Variants in ZNF429 observed in about 807,000 individuals in gnomAD.
ZNF429 encodes the protein zinc finger protein 429.
In ZNF429, 53 loss-of-function variants were observed where a neutral mutation model predicts 56.8. The observed-to-expected ratio is 0.93, with a 90% confidence interval of 0.75 to 1.17. The LOEUF is 1.17. ZNF429 is among the 50% of genes most tolerant of loss of function. ZNF429 has a pLI of 0.00. For synonymous variants in ZNF429, 278 were observed against 264.7 expected (o/e 1.05, Z -0.49); for missense variants, 849 against 788.4 (o/e 1.08, Z -0.92).
Position 21,540,519 on chromosome 19 carries a change from T to C in ZNF429, c.*2441T>C, listed in dbSNP as rs1051288881. On this transcript the variant is annotated 3_prime_UTR_variant, in exon 4 of 4. Coordinates refer to ENST00000358491, the MANE Select transcript of ZNF429 (RefSeq NM_001001415.4). ...ACATCAGGGTAAATTATGTAGCCATTACTTGTAACATTTATCTTTTACAAA... is the reference window on the plus strand; with the variant it reads ...ACATCAGGGTAAATTATGTAGCCATCACTTGTAACATTTATCTTTTACAAA... Among the ~76,000 whole-genome samples the C allele has an allele frequency of 1.3e-5, 2 of 152,150 alleles. No individual in the cohort carries two copies. Among genetic ancestry groups the C allele is most frequent in the Non-Finnish European group, 2.9e-5 (2 of 67,982 alleles).
At chr19:21,519,210 A>T (rs570888789) in intron 1 of ZNF429, among the ~76,000 whole-genome samples, 1 of 152,354 alleles carries the variant, frequency 6.6e-6, no homozygotes, top group African/African-American at 2.4e-5. Flanking sequence ...CACAGCCCAC[A>T]TCCAGGAAAA....
At chr19:21,513,002 C>T (rs908125402) in intron 1 of ZNF429, among the ~76,000 whole-genome samples, 1 of 151,804 alleles carries the variant, frequency 6.6e-6, no homozygotes, top group Non-Finnish European at 1.5e-5. Flanking sequence ...CTCCCAGTAG[C>T]TGGGACTACA....
chr19:21,531,130 C>CAA, intron 3 of ZNF429, among the ~76,000 whole-genome samples: 70 of 113,134 alleles, frequency 6.2e-4, no homozygotes, highest in African/African-American at 2.1e-3. Context: ...AAAAAAAAAA[C>CAA]CAAAAAAAAA....
chr19:21,506,737 CA>C (rs958623093), intron 1 of ZNF429, among the ~76,000 whole-genome samples: 22 of 83,690 alleles, frequency 2.6e-4, no homozygotes, highest in Admixed American at 4.9e-4. Context: ...TAGTAATTTA[CA>C]AAAAAAAAAG....
intron 3 of ZNF429, among the ~76,000 whole-genome samples, chr19:21,535,422 T>TTTCC: frequency 0.018 from 91 of 4,992 alleles, 7 homozygotes; most frequent in Non-Finnish European, 0.023. Flanking sequence ...TTTTCTTTCT[T>TTTCC]TCTTTCTTTC....
chr19:21,519,777 C>T (rs145449904), intron 1 of ZNF429, among the ~76,000 whole-genome samples: 6 of 152,146 alleles, frequency 3.9e-5, no homozygotes, highest in African/African-American at 7.2e-5. Flanking sequence ...TAAGTGTCTG[C>T]GGAGTGTTGT....
At chr19:21,531,570 A>C in intron 3 of ZNF429, among the ~76,000 whole-genome samples, 1 of 152,048 alleles carries the variant, frequency 6.6e-6, no homozygotes, top group South Asian at 2.1e-4. Context: ...TCAGGAGGCC[A>C]AGGCAGCTGG....
intron 1 of ZNF429, among the ~76,000 whole-genome samples, chr19:21,513,216 G>T (rs2032584460): frequency 6.6e-6 from 1 of 152,068 alleles, no homozygotes; most frequent in African/African-American, 2.4e-5. Flanking sequence ...ACTGTTTCTG[G>T]CACACAAAGG....
chr19:21,508,744 C>A (rs576759165), intron 1 of ZNF429, among the ~76,000 whole-genome samples: 2 of 149,116 alleles, frequency 1.3e-5, no homozygotes, highest in African/African-American at 5.0e-5. Flanking sequence ...AATTCCAAGG[C>A]TTAGATTTTG....
At chr19:21,515,508 T>C (rs2032697817) in intron 1 of ZNF429, among the ~76,000 whole-genome samples, 1 of 152,126 alleles carries the variant, frequency 6.6e-6, no homozygotes. Context: ...AAGCATAGTT[T>C]GCAAATATTT....
At position 21,534,243 on chromosome 19, in the gene ZNF429, C is replaced by T; in HGVS notation, c.227-2037C>T. ...TATTTGAAAAATTAAATTTTTGACC[C>T]CTAAGCAAGAAAATGTTGAAGAGCA... On this transcript the variant is annotated intron_variant, in intron 3 of 3. Transcript: ENST00000358491. 3.3e-5 allele frequency among the ~76,000 whole-genome samples: 5 copies of T among 152,166 alleles called. No homozygotes were observed. The East Asian group carries it at 7.7e-4, about 23-fold the overall frequency.
intron 2 of ZNF429, 130 bp downstream of exon 2, chr19:21,529,914 G>A: frequency 3.1e-6 from 2 of 642,772 alleles, no homozygotes; most frequent in Non-Finnish European, 4.7e-6. Context: ...AGAAAAGTTT[G>A]GGGCCGGGTG....
At chr19:21,535,666 C>T in intron 3 of ZNF429, among the ~76,000 whole-genome samples, 8 of 151,684 alleles carry the variant, frequency 5.3e-5, no homozygotes, top group Admixed American at 2.0e-4. Context: ...AGGTGCCTGC[C>T]ATCACGCCCA....
intron 1 of ZNF429, among the ~76,000 whole-genome samples, chr19:21,519,670 C>CT (rs1180444707): frequency 6.6e-6 from 1 of 152,190 alleles, no homozygotes; most frequent in African/African-American, 2.4e-5. Flanking sequence ...GGCCCAGTCT[C>CT]TGGATGTTAA....
At chr19:21,529,613 TTCTC>T in intron 1 of ZNF429, 41 bp from the exon 2 acceptor site, 1 of 1,426,118 alleles carries the variant, frequency 7.0e-7, no homozygotes, top group South Asian at 1.6e-5. Context: ...GTCAATATAT[TTCTC>T]TCTCTTTCTC....
intron 3 of ZNF429, among the ~76,000 whole-genome samples, chr19:21,535,319 C>CTTTCTTTCTTTCTTTCTTTCTTTCTT: frequency 7.4e-6 from 1 of 134,442 alleles, no homozygotes; most frequent in African/African-American, 3.1e-5. Context: ...TTCTTTCTTT[C>CTTTCTTTCTTTCTTTCTTTCTTTCTT]TTTCTTTCTC....
intron 1 of ZNF429, among the ~76,000 whole-genome samples, chr19:21,526,945 C>T (rs2033192694): frequency 6.6e-6 from 1 of 152,222 alleles, no homozygotes; most frequent in Non-Finnish European, 1.5e-5. Flanking sequence ...AGTCCTGCCT[C>T]CCATCCACCA....
chr19:21,535,343 CCTTTCCTT>C, intron 3 of ZNF429, among the ~76,000 whole-genome samples: 2 of 88,206 alleles, frequency 2.3e-5, no homozygotes, highest in Non-Finnish European at 2.5e-5. Context: ...TCTTTTCTTT[CCTTTCCTT>C]TCTTTTCTTC....
At chr19:21,529,572 T>C in intron 1 of ZNF429, 86 bp from the exon 2 acceptor site, 1 of 1,289,528 alleles carries the variant, frequency 7.8e-7, no homozygotes, top group South Asian at 2.3e-5. Flanking sequence ...TCACCTTGAA[T>C]TAAATAAAAA....
Sources: allele counts gnomAD v4.1 joint callset (sites outside exome capture counted in the v4.1 genomes callset), GRCh38; gene constraint gnomAD v4.1.1; transcripts MANE v1.5; gene names NCBI Gene and HGNC (gene_info 2026-07-23, HGNC 2026-07-21).